Variants in SEMA5A observed in about 807,000 individuals in gnomAD.
SEMA5A encodes semaphorin 5A.
SEMA5A carries 55 observed loss-of-function variants against 135.5 expected under a neutral mutation model. That is an observed-to-expected ratio of 0.41 (90% CI 0.33 to 0.51). The LOEUF (loss-of-function observed/expected upper bound fraction) is 0.51. Ranked by LOEUF, SEMA5A falls within the 20% of genes least tolerant of loss-of-function variation. SEMA5A has a pLI of 0.37. For synonymous variants in SEMA5A, 580 were observed against 546.5 expected (o/e 1.06, Z -0.85); for missense variants, 1,290 against 1,419.9 (o/e 0.91, Z 1.47).
chr5:9,400,328 A>T (rs1756596864), intron 2 of SEMA5A, among the ~76,000 whole-genome samples: 1 of 152,196 alleles, frequency 6.6e-6, no homozygotes. Context: ...AGTAAAATTT[A>T]AAAAATAAAA....
At chr5:9,062,813 A>C (rs1737255173) in intron 18 of SEMA5A, 74 bp downstream of exon 18, 3 of 1,462,406 alleles carry the variant, frequency 2.1e-6, no homozygotes, top group East Asian at 2.3e-5. Context: ...GAGCTGCGTG[A>C]GGCCTGGTAA....
intron 11 of SEMA5A, among the ~76,000 whole-genome samples, chr5:9,183,319 C>T (rs62343372): frequency 0.02 from 3,092 of 152,274 alleles, 49 homozygotes; most frequent in South Asian, 0.034. Flanking sequence ...TGCCCATACC[C>T]GACATCCCTC....
Position 9,048,519 on chromosome 5 carries a change from T to C in SEMA5A, c.2893+1891A>G, listed in dbSNP as rs538072730. Among the ~76,000 whole-genome samples, 13 of 152,178 alleles carry C rather than the reference T, an allele frequency of 8.5e-5. No homozygotes were observed. The South Asian group carries it at 2.5e-3, about 29-fold the overall frequency. On this transcript the variant is annotated intron_variant, in intron 21 of 22. Transcript: ENST00000382496. The stretch of plus-strand genomic sequence containing the variant: ...CTAGGAAGACCCTTAGCATCTTCAC[T>C]TTTTTCAACATCTCACAGCAGCACT...
chr5:9,447,357 G>C (rs762583737), intron 1 of SEMA5A, among the ~76,000 whole-genome samples: 2 of 152,160 alleles, frequency 1.3e-5, no homozygotes, highest in Non-Finnish European at 2.9e-5. Context: ...GACAAACTCT[G>C]ATGTTCTATT....
chr5:9,082,509 A>G (rs1341240884), intron 16 of SEMA5A, among the ~76,000 whole-genome samples: 1 of 152,068 alleles, frequency 6.6e-6, no homozygotes, highest in African/African-American at 2.4e-5. Context: ...CTCACTCCCA[A>G]GTTCATTGTT....
chr5:9,491,040 G>T (rs1734974757), intron 1 of SEMA5A, among the ~76,000 whole-genome samples: 2 of 152,076 alleles, frequency 1.3e-5, no homozygotes, highest in African/African-American at 4.8e-5. Flanking sequence ...CAGATAAAAT[G>T]GAAGCCAGGA....
chr5:9,202,300 TG>T (rs2150368858), intron 8 of SEMA5A, 60 bp from the exon 9 acceptor site: 3 of 1,557,060 alleles, frequency 1.9e-6, no homozygotes, highest in Non-Finnish European at 2.6e-6. Flanking sequence ...CTTTTGGTCT[TG>T]CCTGCTCAGT....
At chr5:9,533,821 G>GA (rs1737591937) in intron 1 of SEMA5A, among the ~76,000 whole-genome samples, 1 of 152,114 alleles carries the variant, frequency 6.6e-6, no homozygotes, top group Non-Finnish European at 1.5e-5. Flanking sequence ...CCCACACATA[G>GA]GAAAGACACA....
chr5:9,178,301 T>G (rs55980672), intron 11 of SEMA5A, among the ~76,000 whole-genome samples: 16,250 of 150,934 alleles, frequency 0.11, 1,517 homozygotes, highest in African/African-American at 0.23. Flanking sequence ...AAAAAAAATG[T>G]ATAAGCTCTC....
At chr5:9,543,638 G>A (rs763667300) in intron 1 of SEMA5A, among the ~76,000 whole-genome samples, 5 of 152,084 alleles carry the variant, frequency 3.3e-5, no homozygotes, top group Admixed American at 1.3e-4. Flanking sequence ...GTACATATTG[G>A]CTAAAAGCAC....
intron 1 of SEMA5A, among the ~76,000 whole-genome samples, chr5:9,505,128 C>G (rs1167709611): frequency 6.7e-6 from 1 of 149,534 alleles, no homozygotes; most frequent in African/African-American, 2.5e-5. Context: ...GCAGAAAAGA[C>G]AAATTCTAAA....
chr5:9,475,687 G>A (rs1031992478), intron 1 of SEMA5A, among the ~76,000 whole-genome samples: 1 of 152,112 alleles, frequency 6.6e-6, no homozygotes, highest in Admixed American at 6.5e-5. Flanking sequence ...AGTTGATTTA[G>A]CCAGTTGGTA....
At chr5:9,353,898 A>G (rs1489682732) in intron 3 of SEMA5A, among the ~76,000 whole-genome samples, 1 of 151,930 alleles carries the variant, frequency 6.6e-6, no homozygotes, top group East Asian at 1.9e-4. Context: ...CCTCACCCCC[A>G]GGCTTGCTTT....
chr5:9,203,368 T>A (rs1745827578), intron 8 of SEMA5A, among the ~76,000 whole-genome samples: 1 of 152,222 alleles, frequency 6.6e-6, no homozygotes. Flanking sequence ...GGCAATTCAA[T>A]TGGCCTTGTA....
chr5:9,447,809 T>A (rs1319631039), intron 1 of SEMA5A, among the ~76,000 whole-genome samples: 1 of 152,220 alleles, frequency 6.6e-6, no homozygotes, highest in African/African-American at 2.4e-5. Flanking sequence ...AATGACTTAT[T>A]TTTTTCACAT....
At chr5:9,360,010 A>G (rs1020040640) in intron 3 of SEMA5A, among the ~76,000 whole-genome samples, 16 of 152,200 alleles carry the variant, frequency 1.1e-4, no homozygotes, top group Non-Finnish European at 5.9e-5. Context: ...AAATATAGAC[A>G]TGGTTTTGTT....
At position 9,195,392 on chromosome 5, in the gene SEMA5A, G is replaced by A. The variant is rs111553996; in HGVS notation, c.1068+1776C>T. The stretch of plus-strand genomic sequence containing the variant: ...TCACTCTGTTACCCAGGCTTGTCTC[G>A]AAATCCTGGCCTCAGGAGATCCTCC... On this transcript the variant is annotated intron_variant, in intron 10 of 22. Transcript: ENST00000382496. Among the ~76,000 whole-genome samples the A allele has an allele frequency of 2.2e-4, 34 of 152,214 alleles. 1 individual carries two copies. In the South Asian group the frequency reaches 2.3e-3, roughly 10 times the overall value.
At chr5:9,106,868 T>C (rs1474497610) in intron 16 of SEMA5A, among the ~76,000 whole-genome samples, 1 of 152,230 alleles carries the variant, frequency 6.6e-6, no homozygotes, top group Non-Finnish European at 1.5e-5. Flanking sequence ...TACTAGACTA[T>C]ATGAGAGCTA....
chr5:9,091,541 T>G (rs979212931), intron 16 of SEMA5A, among the ~76,000 whole-genome samples: 1 of 152,166 alleles, frequency 6.6e-6, no homozygotes, highest in African/African-American at 2.4e-5. Flanking sequence ...AGCACTAGAT[T>G]TGTGGTTTAC....
Sources: allele counts gnomAD v4.1 joint callset (sites outside exome capture counted in the v4.1 genomes callset), GRCh38; gene constraint gnomAD v4.1.1; transcripts MANE v1.5; gene names NCBI Gene and HGNC (gene_info 2026-07-23, HGNC 2026-07-21).